The following TMEM132B variants were observed in gnomAD, a reference collection of about 807,000 sequenced individuals.
TMEM132B encodes transmembrane protein 132B.
In TMEM132B, 18 loss-of-function variants were observed where a neutral mutation model predicts 90.8. That is an observed-to-expected ratio of 0.20 (90% CI 0.14 to 0.29). The LOEUF (loss-of-function observed/expected upper bound fraction) is 0.29, where lower values mean the gene tolerates loss of function less well. TMEM132B is among the 10% of genes least tolerant of loss of function. The pLI, the probability that TMEM132B is intolerant of heterozygous loss-of-function variation, is 1.00. For missense variants in TMEM132B, 1,096 were observed against 1,326.8 expected, an observed-to-expected ratio of 0.83 and a Z score of 2.70; for synonymous variants, 504 against 523.3, an observed-to-expected ratio of 0.96 and a Z score of 0.50.
chr12:125,515,617 CA>C (rs1245428807), intron 3 of TMEM132B, among the ~76,000 whole-genome samples: 2 of 137,318 alleles, frequency 1.5e-5, no homozygotes, highest in Non-Finnish European at 3.3e-5. Context: ...AACACATATT[CA>C]CACATTTAGT....
Position 125,458,193 on chromosome 12 carries a change from C to A in TMEM132B, c.1106+42516C>A, listed in dbSNP as rs1273404102. Among the ~76,000 whole-genome samples the A allele has an allele frequency of 6.6e-6, 1 of 151,794 alleles. No homozygotes were observed. Among genetic ancestry groups the A allele is most frequent in the African/African-American group, 2.4e-5 (1 of 41,318 alleles). On this transcript the variant is annotated intron_variant, in intron 3 of 8. Transcript: ENST00000682704. This position sits in a 1 kb window ranked among gnomAD's most constrained non-coding sequence, Gnocchi z 4.9. ...GGAGCTGAGTGGGAGGCAGTGGCGTCCCTGAGGCCAAAAACAAGGGCCTTG... is the reference window on the plus strand; with the variant it reads ...GGAGCTGAGTGGGAGGCAGTGGCGTACCTGAGGCCAAAAACAAGGGCCTTG...
intron 1 of TMEM132B, among the ~76,000 whole-genome samples, chr12:125,204,087 A>G (rs952548815): frequency 3.9e-5 from 6 of 152,264 alleles, no homozygotes; most frequent in African/African-American, 1.4e-4. Context: ...TTATCACTGC[A>G]GCCATCTTTC....
At chr12:125,526,704 A>G (rs956195702) in intron 4 of TMEM132B, among the ~76,000 whole-genome samples, 1 of 152,152 alleles carries the variant, frequency 6.6e-6, no homozygotes, top group African/African-American at 2.4e-5. Context: ...ATAAACACAC[A>G]GCTTTTGGGA....
intron 3 of TMEM132B, among the ~76,000 whole-genome samples, chr12:125,452,917 C>T (rs1881192350): frequency 6.6e-6 from 1 of 152,130 alleles, no homozygotes; most frequent in Non-Finnish European, 1.5e-5. Flanking sequence ...CTTCCCTTCA[C>T]ATTTTCATGG....
At chr12:125,472,368 A>G (rs1317296669) in intron 3 of TMEM132B, among the ~76,000 whole-genome samples, 1 of 152,036 alleles carries the variant, frequency 6.6e-6, no homozygotes, top group Admixed American at 6.5e-5. Context: ...TTCAGCTCCC[A>G]CTGTAGTGAT....
chr12:125,606,504 T>C (rs1269403621), intron 5 of TMEM132B, among the ~76,000 whole-genome samples: 1 of 152,222 alleles, frequency 6.6e-6, no homozygotes, highest in Non-Finnish European at 1.5e-5. Context: ...AGAATGCACA[T>C]GTGTGCATGT....
rs1887124714 is a variant in TMEM132B, at chr12:125,658,472, C to T, written c.*3762C>T. ...GTCAGGGACACCAGTGTGTTTTCTA[C>T]TCGAGTTACCTAAAAATGGTCTCAA... On this transcript the variant is annotated 3_prime_UTR_variant, in exon 9 of 9. Coordinates refer to ENST00000682704, the MANE Select transcript of TMEM132B (RefSeq NM_001366854.1). The T allele has an allele frequency of 6.6e-6, 1 of 152,190 alleles. No individual in the cohort carries two copies. Among genetic ancestry groups the T allele is most frequent in the South Asian group, 2.1e-4 (1 of 4,826 alleles). The allele number at this position is 152,190 out of a possible 1,614,324, so 9.4% of individuals were successfully genotyped here.
At chr12:125,352,756 G>A (rs1013048085) in intron 2 of TMEM132B, among the ~76,000 whole-genome samples, 9 of 152,208 alleles carry the variant, frequency 5.9e-5, no homozygotes, top group Non-Finnish European at 1.2e-4. Flanking sequence ...TGAGTCTAGT[G>A]TGCTCCTTCC....
At chr12:125,534,766 T>C (rs1883752652) in intron 4 of TMEM132B, among the ~76,000 whole-genome samples, 1 of 151,998 alleles carries the variant, frequency 6.6e-6, no homozygotes. Flanking sequence ...ATCCGCTCTT[T>C]CAGATGCCAC....
At chr12:125,515,227 C>T (rs1883085681) in intron 3 of TMEM132B, among the ~76,000 whole-genome samples, 1 of 149,704 alleles carries the variant, frequency 6.7e-6, no homozygotes. Flanking sequence ...TTCACACATT[C>T]TCTCACACAC....
At chr12:125,551,347 T>G (rs1423299581) in intron 4 of TMEM132B, among the ~76,000 whole-genome samples, 1 of 152,236 alleles carries the variant, frequency 6.6e-6, no homozygotes. Context: ...CCCCAGATCC[T>G]ATTTCCTTTC....
Position 125,654,767 on chromosome 12 carries a change from C to A in TMEM132B, c.*57C>A. ...GCCTTCTGTTTTTTGAATGCTGGAG[C>A]AGTGAGTTTGATCAGCAATAGGGGA... is the stretch of plus-strand genomic sequence containing the variant. On this transcript the variant is annotated 3_prime_UTR_variant, in exon 9 of 9. Transcript: ENST00000682704. The surrounding 1 kb of genome is among the most constrained non-coding windows in gnomAD (Gnocchi z 5.8). 6.4e-7 allele frequency: 1 copy of A among 1,551,224 alleles called. No individual in the cohort carries two copies. Among genetic ancestry groups the A allele is most frequent in the Admixed American group, 1.9e-5 (1 of 53,600 alleles).
chr12:125,502,557 A>G (rs1028935962), intron 3 of TMEM132B, among the ~76,000 whole-genome samples: 1 of 152,252 alleles, frequency 6.6e-6, no homozygotes, highest in Admixed American at 6.5e-5. Flanking sequence ...GGCCCACCCA[A>G]TCCCAAGTGG....
intron 1 of TMEM132B, among the ~76,000 whole-genome samples, chr12:125,291,247 G>A (rs750103000): frequency 3.9e-5 from 6 of 152,214 alleles, no homozygotes; most frequent in Non-Finnish European, 7.3e-5. Context: ...ACCCGGCCAA[G>A]CTGACACCTA....
At chr12:125,637,513 A>T (rs1593036891) in intron 5 of TMEM132B, among the ~76,000 whole-genome samples, 1 of 152,206 alleles carries the variant, frequency 6.6e-6, no homozygotes, top group Non-Finnish European at 1.5e-5. Context: ...ATGAGACATC[A>T]ATCAATATAT....
intron 1 of TMEM132B, among the ~76,000 whole-genome samples, chr12:125,282,027 CAAAA>C (rs869083244): frequency 1.2e-4 from 2 of 16,088 alleles, no homozygotes; most frequent in African/African-American, 2.3e-4. Flanking sequence ...GACTCCGTCT[CAAAA>C]AAAAAAAAAA....
intron 1 of TMEM132B, among the ~76,000 whole-genome samples, chr12:125,190,516 TGGTGATG>T: frequency 1.2e-5 from 1 of 81,230 alleles, no homozygotes; most frequent in Non-Finnish European, 2.3e-5. Flanking sequence ...GGGGTGGTGA[TGGTGATG>T]GGGAAGGGGT....
At chr12:125,601,665 A>G (rs1170264549) in intron 5 of TMEM132B, among the ~76,000 whole-genome samples, 3 of 152,340 alleles carry the variant, frequency 2.0e-5, no homozygotes, top group East Asian at 1.9e-4. Context: ...AAAAAAATCA[A>G]TGAATCCAGG....
intron 1 of TMEM132B, among the ~76,000 whole-genome samples, chr12:125,222,735 G>A (rs7134933): frequency 0.033 from 4,969 of 152,298 alleles, 234 homozygotes; most frequent in African/African-American, 0.095. Context: ...ATTGTAGGAT[G>A]TTCAGCACCA....
Sources: allele counts gnomAD v4.1 joint callset (sites outside exome capture counted in the v4.1 genomes callset), GRCh38; gene constraint gnomAD v4.1.1; non-coding constraint Gnocchi (gnomAD v3.1); transcripts MANE v1.5; gene names NCBI Gene and HGNC (gene_info 2026-07-23, HGNC 2026-07-21).